The following SUSD1 variants were observed in gnomAD, a reference collection of about 807,000 sequenced individuals.
SUSD1 encodes sushi domain containing 1.
SUSD1 carries 65 observed loss-of-function variants against 86.9 expected under a neutral mutation model. That is an observed-to-expected ratio of 0.75 (90% CI 0.61 to 0.92). The LOEUF is 0.92. SUSD1 is among the 40% of genes least tolerant of loss of function. SUSD1 has a pLI of 0.00. For synonymous variants in SUSD1, 346 were observed against 350.0 expected (o/e 0.99, Z 0.13); for missense variants, 850 against 929.7 (o/e 0.91, Z 1.11).
chr9:112,112,204 C>G, intron 7 of SUSD1: 1 of 192,148 alleles, frequency 5.2e-6, no homozygotes, highest in Non-Finnish European at 1.1e-5. Flanking sequence ...GTGAGGATGC[C>G]AAATATAAAT....
intron 12 of SUSD1, among the ~76,000 whole-genome samples, chr9:112,076,564 A>C (rs1829523440): frequency 6.6e-6 from 1 of 152,218 alleles, no homozygotes; most frequent in Admixed American, 6.5e-5. Flanking sequence ...TTTGCGTATT[A>C]GATGTTCAAT....
intron 6 of SUSD1, among the ~76,000 whole-genome samples, chr9:112,123,357 T>C (rs1831629782): frequency 6.6e-6 from 1 of 152,066 alleles, no homozygotes; most frequent in Non-Finnish European, 1.5e-5. Flanking sequence ...TCATGTGAAC[T>C]AAGAGCAAGA....
At chr9:112,145,376 T>A (rs978778637) in intron 3 of SUSD1, among the ~76,000 whole-genome samples, 8 of 150,786 alleles carry the variant, frequency 5.3e-5, no homozygotes, top group Non-Finnish European at 1.0e-4. Flanking sequence ...GCCTCCTGAC[T>A]TCAACTGATT....
At chr9:112,054,672 T>C (rs551845523) in intron 14 of SUSD1, among the ~76,000 whole-genome samples, 4 of 152,036 alleles carry the variant, frequency 2.6e-5, no homozygotes, top group Middle Eastern at 6.8e-3. Context: ...CCTTACCTAA[T>C]ATCATATAAA....
rs764685149 is a variant in SUSD1 at position 112,098,494 on chromosome 9, T to C, written c.1450A>G (p.Ile484Val). ...LRSPKRHSVQ[I>V]TIATPPAVKQ... ...CCTGCTGGGGGAGTTGCTATTGTTA[T>C]TTGCACTGAGTGCCGCTTAGGAGAT... Residue 484 changes from isoleucine to valine, a missense_variant, in exon 10 of 17, where the codon ATA (isoleucine) becomes GTA (valine). Transcript: ENST00000374270. 10 of 1,614,030 alleles carry C rather than the reference T, an allele frequency of 6.2e-6. No homozygotes were observed. The African/African-American group carries it at 1.2e-4, about 19-fold the overall frequency.
chr9:112,118,844 C>T (rs1444725971), intron 6 of SUSD1, among the ~76,000 whole-genome samples: 1 of 152,136 alleles, frequency 6.6e-6, no homozygotes, highest in Non-Finnish European at 1.5e-5. Flanking sequence ...GAAAAATACA[C>T]CTACTTCATC....
At chr9:112,052,194 G>A (rs937126628) in intron 15 of SUSD1, 2 of 1,496,318 alleles carry the variant, frequency 1.3e-6, no homozygotes, top group African/African-American at 2.8e-5. Flanking sequence ...AGCCTTCTTG[G>A]TGGGGTAGCT....
chr9:112,144,358 A>G (rs1832716629), intron 3 of SUSD1, among the ~76,000 whole-genome samples: 1 of 151,884 alleles, frequency 6.6e-6, no homozygotes, highest in African/African-American at 2.4e-5. Flanking sequence ...TCCAGTCACT[A>G]TAAATATATC....
rs887630786 is a variant in SUSD1, at chr9:112,041,747, G to C, written c.2243+120C>G. 1.3e-5 allele frequency: 13 copies of C among 963,056 alleles called. No homozygotes were observed. In the African/African-American group the frequency reaches 2.1e-4, roughly 15 times the overall value. 59.7% of individuals were successfully genotyped at this position (963,056 alleles called of 1,614,324 possible). ...TTCACCGCTGAGTGTGCTCTGCTGA[G>C]CCAAGGACAACCTCCACCCACACTC... is the stretch of plus-strand genomic sequence containing the variant. On this transcript the variant is annotated intron_variant, in intron 16 of 16. Coordinates refer to ENST00000374270, the MANE Select transcript of SUSD1 (RefSeq NM_022486.5).
At chr9:112,156,150 T>C (rs1428049986) in intron 2 of SUSD1, among the ~76,000 whole-genome samples, 1 of 133,918 alleles carries the variant, frequency 7.5e-6, no homozygotes, top group Admixed American at 7.5e-5. Context: ...TCTCTAAAAA[T>C]AAAATAAAGG....
chr9:112,063,748 C>T (rs1172626297), intron 12 of SUSD1, among the ~76,000 whole-genome samples: 2 of 152,332 alleles, frequency 1.3e-5, no homozygotes, highest in East Asian at 1.9e-4. Context: ...GCCATTCTGC[C>T]TTGTGGGTAA....
At chr9:112,077,473 A>G (rs1334861837) in intron 12 of SUSD1, among the ~76,000 whole-genome samples, 1 of 149,974 alleles carries the variant, frequency 6.7e-6, no homozygotes, top group Admixed American at 6.7e-5. Flanking sequence ...GGAGGACTAC[A>G]ATCATTGTCC....
At chr9:112,052,151 T>G in intron 15 of SUSD1, 1 of 1,433,798 alleles carries the variant, frequency 7.0e-7, no homozygotes, top group Non-Finnish European at 9.1e-7. Context: ...AAAGTCCCAC[T>G]CACGGTGTTG....
chr9:112,078,780 C>G, intron 11 of SUSD1, 56 bp from the exon 12 acceptor site: 1 of 1,399,218 alleles, frequency 7.1e-7, no homozygotes, highest in Non-Finnish European at 9.8e-7. Context: ...CTTTAGATGC[C>G]TTGAAACCTC....
chr9:112,047,510 G>A (rs1172903652), intron 15 of SUSD1, among the ~76,000 whole-genome samples: 2 of 152,166 alleles, frequency 1.3e-5, no homozygotes, highest in East Asian at 3.9e-4. Context: ...GCTACATTCA[G>A]TTCCTTGCTG....
At chr9:112,123,711 A>C (rs1831646146) in intron 6 of SUSD1, among the ~76,000 whole-genome samples, 1 of 152,064 alleles carries the variant, frequency 6.6e-6, no homozygotes, top group African/African-American at 2.4e-5. Flanking sequence ...GAGGCAGGCG[A>C]ATCACTTGGT....
At chr9:112,051,514 C>T (rs565352322) in intron 15 of SUSD1, among the ~76,000 whole-genome samples, 1 of 148,584 alleles carries the variant, frequency 6.7e-6, no homozygotes, top group Non-Finnish European at 1.5e-5. Context: ...TCACCGCAAC[C>T]TTTGCCTCCC....
rs970572311 is a variant in SUSD1 at position 112,157,622 on chromosome 9, T to C, written c.104-9A>G. 1.2e-6 allele frequency: 2 copies of C among 1,606,602 alleles called. No homozygotes were observed. Among genetic ancestry groups the C allele is most frequent in the East Asian group, 2.2e-5 (1 of 44,862 alleles). On this transcript the variant is annotated splice_polypyrimidine_tract_variant and intron_variant, in intron 1 of 16. Transcript: ENST00000374270. ...GGCACAGACGTCTAAACCTGAATCA[T>C]AAATTGTATGTTTCAGAAAAAGAAA...
intron 1 of SUSD1, among the ~76,000 whole-genome samples, chr9:112,165,924 AAGAAAGAAAGAAAGAAAG>A (rs1396267258): frequency 1.2e-5 from 1 of 83,318 alleles, no homozygotes; most frequent in East Asian, 3.5e-4. Flanking sequence ...GAAGAAAGAA[AAGAAAGAAAGAAAGAAAG>A]AAGAAAGAAA....
Sources: gnomAD v4.1 joint callset for allele counts (sites outside exome capture counted in the v4.1 genomes callset) on GRCh38, gnomAD v4.1.1 for gene constraint, MANE v1.5 for transcripts, NCBI Gene and HGNC (gene_info 2026-07-23, HGNC 2026-07-21) for gene names.